LAMA2: variants seen among roughly 807,000 people sequenced by gnomAD.
LAMA2 encodes the protein laminin subunit alpha-2.
LAMA2 carries 269 observed loss-of-function variants against 364.8 expected under a neutral mutation model. The ratio of observed to expected loss-of-function variants is 0.74; its 90% CI spans 0.67 to 0.82. LAMA2 has a LOEUF of 0.82. Ranked by LOEUF, LAMA2 falls within the 40% of genes least tolerant of loss-of-function variation. The probability of loss-of-function intolerance (pLI) is 0.00; values close to 1 mark genes in which losing one functional copy is unlikely to be tolerated. For synonymous variants in LAMA2, 1,379 were observed against 1,370.6 expected, an observed-to-expected ratio of 1.01 and a Z score of -0.14; for missense variants, 3,807 against 3,873.2, an observed-to-expected ratio of 0.98 and a Z score of 0.45.
At chr6:128,972,519 C>T (rs1000388449) in intron 1 of LAMA2, among the ~76,000 whole-genome samples, 3 of 152,132 alleles carry the variant, frequency 2.0e-5, no homozygotes, top group African/African-American at 7.2e-5. Flanking sequence ...GACATTACTT[C>T]CTTCTGGATG....
intron 22 of LAMA2, among the ~76,000 whole-genome samples, chr6:129,309,193 A>G (rs997496352): frequency 6.6e-6 from 1 of 152,200 alleles, no homozygotes; most frequent in Non-Finnish European, 1.5e-5. Context: ...GAGCATACAC[A>G]TCATTTGGGC....
At chr6:129,344,161 A>G (rs986121006) in intron 30 of LAMA2, among the ~76,000 whole-genome samples, 9 of 152,348 alleles carry the variant, frequency 5.9e-5, no homozygotes, top group Middle Eastern at 3.4e-3. Context: ...GAAAACTATT[A>G]TCATAGAATT....
At chr6:129,342,666 A>ATTT (rs1776335761) in intron 30 of LAMA2, among the ~76,000 whole-genome samples, 199 bp downstream of exon 30, 5 of 152,164 alleles carry the variant, frequency 3.3e-5, no homozygotes, top group African/African-American at 1.2e-4. Context: ...ACTCTGTCCC[A>ATTT]AGTAAATAAT....
intron 4 of LAMA2, among the ~76,000 whole-genome samples, chr6:129,119,611 G>C (rs929931793): frequency 6.6e-6 from 1 of 151,914 alleles, no homozygotes; most frequent in Non-Finnish European, 1.5e-5. Context: ...GCAGTGGCTC[G>C]ATCTTGGCTC....
At chr6:129,172,747 C>T (rs1179710754) in intron 9 of LAMA2, among the ~76,000 whole-genome samples, 1 of 152,012 alleles carries the variant, frequency 6.6e-6, no homozygotes, top group Non-Finnish European at 1.5e-5. Context: ...CAAGCCTGGG[C>T]AATGGCGGCG....
intron 62 of LAMA2, among the ~76,000 whole-genome samples, chr6:129,509,136 T>C (rs139846957): frequency 3.3e-5 from 5 of 152,290 alleles, no homozygotes; most frequent in African/African-American, 1.2e-4. Context: ...TACCTGTTTT[T>C]CATCTGAATA....
At chr6:129,377,975 A>G (rs974692520) in intron 34 of LAMA2, among the ~76,000 whole-genome samples, 3 of 147,544 alleles carry the variant, frequency 2.0e-5, no homozygotes, top group Non-Finnish European at 3.0e-5. Context: ...AAGAAATGGG[A>G]AAAAAAAAAC....
chr6:129,244,776 T>C (rs1785632233), intron 12 of LAMA2, among the ~76,000 whole-genome samples: 1 of 152,174 alleles, frequency 6.6e-6, no homozygotes, highest in Non-Finnish European at 1.5e-5. Flanking sequence ...AATTCTTTTA[T>C]GAAGCTTAGT....
At chr6:129,282,599 T>A (rs548209243) in intron 18 of LAMA2, among the ~76,000 whole-genome samples, 6 of 152,148 alleles carry the variant, frequency 3.9e-5, no homozygotes, top group Non-Finnish European at 8.8e-5. Flanking sequence ...GGCCAGCCAG[T>A]ACTGAGTATT....
At position 129,081,739 on chromosome 6, in the gene LAMA2, A is replaced by G. The variant is rs143080314; in HGVS notation, c.397-16434A>G. Among the ~76,000 whole-genome samples, 246 of 152,310 alleles carry G rather than the reference A, an allele frequency of 1.6e-3. 2 individuals carry two copies. The East Asian group carries it at 0.032, about 20-fold the overall frequency. On this transcript the variant is annotated intron_variant, in intron 3 of 64. Coordinates refer to ENST00000421865, the MANE Select transcript of LAMA2 (RefSeq NM_000426.4). ...TAACTTCTCTCAGTATTCACAAGGAATACCTGCTTGAATGTTTAAGTACCA... is the reference window on the plus strand; with the variant it reads ...TAACTTCTCTCAGTATTCACAAGGAGTACCTGCTTGAATGTTTAAGTACCA...
chr6:129,181,429 T>G (rs1211016256), intron 10 of LAMA2, among the ~76,000 whole-genome samples: 1 of 151,692 alleles, frequency 6.6e-6, no homozygotes, highest in Admixed American at 6.6e-5. Flanking sequence ...AAAAGCATGA[T>G]TAGAAGATTG....
intron 1 of LAMA2, among the ~76,000 whole-genome samples, chr6:128,920,672 A>ATATATATATATTATATATACATGTG (rs1261047256): frequency 4.1e-4 from 61 of 150,596 alleles, no homozygotes; most frequent in African/African-American, 5.4e-4. Flanking sequence ...GACATTACAT[A>ATATATATATATTATATATACATGTG]TATATATATA....
intron 1 of LAMA2, among the ~76,000 whole-genome samples, chr6:128,953,182 T>C (rs1780938096): frequency 6.6e-6 from 1 of 152,194 alleles, no homozygotes; most frequent in Admixed American, 6.5e-5. Flanking sequence ...AGCTAGCAAA[T>C]GACAACTGGA....
chr6:129,433,711 C>T (rs945091761), intron 41 of LAMA2, among the ~76,000 whole-genome samples: 2 of 152,094 alleles, frequency 1.3e-5, no homozygotes, highest in Admixed American at 1.3e-4. Flanking sequence ...CATAGGTATA[C>T]ATATGTTTAG....
chr6:129,478,866 C>G, intron 54 of LAMA2, 53 bp downstream of exon 54: 1 of 1,484,682 alleles, frequency 6.7e-7, no homozygotes, highest in Non-Finnish European at 9.4e-7. Flanking sequence ...ATTTCACTTA[C>G]TTAGTGTGGC....
intron 34 of LAMA2, among the ~76,000 whole-genome samples, chr6:129,370,702 A>G (rs1268760197): frequency 6.6e-6 from 1 of 152,212 alleles, no homozygotes; most frequent in East Asian, 1.9e-4. Context: ...TGGAGCTAGA[A>G]GGTTCCTGGG....
chr6:129,350,078 C>A (rs892119117), intron 31 of LAMA2, among the ~76,000 whole-genome samples: 3 of 152,090 alleles, frequency 2.0e-5, no homozygotes, highest in African/African-American at 2.4e-5. Context: ...TTAATATCTT[C>A]CAGATATATA....
At chr6:129,104,269 C>T (rs555913114) in intron 4 of LAMA2, among the ~76,000 whole-genome samples, 13 of 152,288 alleles carry the variant, frequency 8.5e-5, no homozygotes, top group African/African-American at 3.1e-4. Flanking sequence ...AAGTTACAGT[C>T]TTCTGAGATT....
chr6:129,181,937 T>A (rs1780955221), intron 10 of LAMA2, among the ~76,000 whole-genome samples: 1 of 151,848 alleles, frequency 6.6e-6, no homozygotes, highest in Non-Finnish European at 1.5e-5. Flanking sequence ...ATATCTTTAT[T>A]GTGAGTGTTT....
Sources: gnomAD v4.1 joint callset for allele counts (sites outside exome capture counted in the v4.1 genomes callset) on GRCh38, gnomAD v4.1.1 for gene constraint, MANE v1.5 for transcripts, NCBI Gene and HGNC (gene_info 2026-07-23, HGNC 2026-07-21) for gene names.